Variants in FAM193A observed in about 807,000 individuals in gnomAD.
FAM193A encodes protein FAM193A.
FAM193A carries 22 observed loss-of-function variants against 126.5 expected under a neutral mutation model. The ratio of observed to expected loss-of-function variants is 0.17; its 90% CI spans 0.12 to 0.25. FAM193A has a LOEUF of 0.25. Among genes scored for constraint, FAM193A ranks in the 10% least tolerant of loss-of-function variants. FAM193A has a pLI of 1.00. For synonymous variants in FAM193A, 761 were observed against 646.8 expected (o/e 1.18, Z -2.68); for missense variants, 1,675 against 1,672.8 (o/e 1.00, Z -0.02).
chr4:2,699,666 T>C lies in FAM193A; in HGVS notation c.3508-14T>C. 6.3e-7 allele frequency: 1 copy of C among 1,577,906 alleles called. No homozygotes were observed. The highest frequency in any genetic ancestry group is 8.6e-7 in the Non-Finnish European group (1 of 1,167,340). On this transcript the variant is annotated splice_polypyrimidine_tract_variant and intron_variant, in intron 18 of 20. Transcript: ENST00000637812. ...TCACTGTAGTCTTAAATTGCCTTCT[T>C]TTTGCATTGGCAGCTGGAGGAGAAA...
At chr4:2,622,523 T>G (rs1026668095) in intron 2 of FAM193A, among the ~76,000 whole-genome samples, 4 of 152,204 alleles carry the variant, frequency 2.6e-5, no homozygotes, top group African/African-American at 9.6e-5. Flanking sequence ...GCCCAGTGGT[T>G]GCTGGCTCTT....
At chr4:2,706,426 A>G (rs1718319689) in intron 19 of FAM193A, among the ~76,000 whole-genome samples, 1 of 150,382 alleles carries the variant, frequency 6.6e-6, no homozygotes, top group Non-Finnish European at 1.5e-5. Flanking sequence ...CCTCCCAAGT[A>G]GCTGGGATTA....
At chr4:2,672,505 A>G in intron 13 of FAM193A, 133 bp downstream of exon 13, 8 of 932,754 alleles carry the variant, frequency 8.6e-6, no homozygotes, top group Admixed American at 2.7e-5. Context: ...AAGGTCTCCA[A>G]GTGTTTCCTT....
intron 20 of FAM193A, 140 bp downstream of exon 20, chr4:2,716,244 C>T (rs1436800196): frequency 3.0e-6 from 2 of 665,166 alleles, no homozygotes; most frequent in African/African-American, 3.6e-5. Flanking sequence ...TTCTGAAGAG[C>T]CTTGTAGTAG....
At chr4:2,698,734 CT>C (rs1717329207) in intron 18 of FAM193A, among the ~76,000 whole-genome samples, 2 of 152,192 alleles carry the variant, frequency 1.3e-5, no homozygotes, top group Admixed American at 6.5e-5. Context: ...CATCTGCTTT[CT>C]GAACACAAAG....
chr4:2,579,358 G>A (rs148498590), intron 1 of FAM193A, among the ~76,000 whole-genome samples: 2,272 of 151,758 alleles, frequency 0.015, 50 homozygotes, highest in African/African-American at 0.052. Flanking sequence ...AATTAGCCAG[G>A]TGTGGTGGTA....
chr4:2,702,927 T>C (rs1488115995), intron 19 of FAM193A, among the ~76,000 whole-genome samples: 1 of 152,254 alleles, frequency 6.6e-6, no homozygotes, highest in Non-Finnish European at 1.5e-5. Context: ...GATTGCGTTT[T>C]TCCATTTGTG....
In FAM193A at chr4:2,635,999, AATT is replaced by A. The variant is rs1382637501; in HGVS notation, c.1039-3735_1039-3733del. On this transcript the variant is annotated intron_variant, in intron 5 of 20. Coordinates refer to ENST00000637812, the MANE Select transcript of FAM193A (RefSeq NM_001366318.2). Reference sequence around the variant, plus strand: ...AGATAATGTAGTTGGAAAAAGGACGAATTTTTTTTTTTTTGAGACGGAGTCTTA... The same window carrying A: ...AGATAATGTAGTTGGAAAAAGGACGATTTTTTTTTTTGAGACGGAGTCTTA... Among the ~76,000 whole-genome samples the A allele has an allele frequency of 2.1e-5, 3 of 142,776 alleles. No homozygotes were observed. The East Asian group carries it at 5.8e-4, about 28-fold the overall frequency. The allele number at this position is 142,776 out of a possible 152,430, so 93.7% of individuals were successfully genotyped here.
chr4:2,589,132 G>A (rs986203839), intron 1 of FAM193A, among the ~76,000 whole-genome samples: 2 of 152,170 alleles, frequency 1.3e-5, no homozygotes, highest in African/African-American at 2.4e-5. Context: ...AAAACAAATA[G>A]TAATTATATT....
At chr4:2,726,774 A>AC (rs1720790267) in intron 20 of FAM193A, among the ~76,000 whole-genome samples, 1 of 140,540 alleles carries the variant, frequency 7.1e-6, no homozygotes, top group African/African-American at 2.7e-5. Flanking sequence ...TTTACTAAAA[A>AC]TACCAAAAAA....
Position 2,604,897 on chromosome 4 carries a change from A to G in FAM193A, c.501+8568A>G, listed in dbSNP as rs554390873. On this transcript the variant is annotated intron_variant, in intron 2 of 20. Coordinates refer to ENST00000637812, the MANE Select transcript of FAM193A (RefSeq NM_001366318.2). ...ACTGCAGCCTCGACCTCCTGGGCTC[A>G]AGTGATTCTCCCAGCTTAGCCTCCT... 6.9e-5 allele frequency among the ~76,000 whole-genome samples: 10 copies of G among 145,830 alleles called. No homozygotes were observed. In the South Asian group the frequency reaches 2.2e-3, roughly 31 times the overall value.
chr4:2,593,026 A>G (rs1050328401), intron 1 of FAM193A, among the ~76,000 whole-genome samples: 26 of 152,228 alleles, frequency 1.7e-4, no homozygotes, highest in Admixed American at 1.4e-3. Context: ...ATGCTGCCTT[A>G]CAGAGCCTAC....
At chr4:2,664,806 G>A (rs186783123) in intron 12 of FAM193A, among the ~76,000 whole-genome samples, 75 of 152,020 alleles carry the variant, frequency 4.9e-4, no homozygotes, top group Admixed American at 1.1e-3. Flanking sequence ...CTTGTGATCC[G>A]CCCGTGTTGG....
chr4:2,592,651 C>T (rs1053593536), intron 1 of FAM193A, among the ~76,000 whole-genome samples: 2 of 152,194 alleles, frequency 1.3e-5, no homozygotes, highest in African/African-American at 4.8e-5. Context: ...TGGAGAGCTA[C>T]CCAGACCGAG....
chr4:2,627,424 C>G (rs1198867838), intron 4 of FAM193A, among the ~76,000 whole-genome samples: 1 of 74,948 alleles, frequency 1.3e-5, no homozygotes, highest in Non-Finnish European at 3.7e-5. Flanking sequence ...GCTGGGATTA[C>G]AGGCGTGAGC....
intron 1 of FAM193A, among the ~76,000 whole-genome samples, chr4:2,571,608 T>G (rs2108859652): frequency 6.6e-6 from 1 of 152,118 alleles, no homozygotes; most frequent in East Asian, 2.0e-4. Flanking sequence ...TGGCATGATC[T>G]TGGCTCACTG....
chr4:2,649,080 A>G (rs919750209), intron 7 of FAM193A, among the ~76,000 whole-genome samples: 1 of 152,292 alleles, frequency 6.6e-6, no homozygotes, highest in East Asian at 1.9e-4. Flanking sequence ...GTTATTTTTA[A>G]AAAGTAAAAC....
chr4:2,732,428 C>T lies in FAM193A; in HGVS notation c.*560C>T, dbSNP rs1390499460. Reference sequence around the variant, plus strand: ...AACGAGAAAGTTAAAAACAAGCCCACCCAGTACTCACACCATCAAGTCTGT... The same window carrying T: ...AACGAGAAAGTTAAAAACAAGCCCATCCAGTACTCACACCATCAAGTCTGT... On this transcript the variant is annotated 3_prime_UTR_variant, in exon 21 of 21. Transcript: ENST00000637812. 1 of 164,704 alleles carries T rather than the reference C, an allele frequency of 6.1e-6. No homozygotes were observed. The highest frequency in any genetic ancestry group is 1.3e-5 in the Non-Finnish European group (1 of 75,356). The allele number at this position is 164,704 out of a possible 1,614,324, so 10.2% of individuals were successfully genotyped here.
chr4:2,562,701 C>T (rs1738696653), intron 1 of FAM193A, among the ~76,000 whole-genome samples: 1 of 150,952 alleles, frequency 6.6e-6, no homozygotes, highest in African/African-American at 2.4e-5. Flanking sequence ...GAGATCTTGG[C>T]TCACCGCAAC....
Sources: gnomAD v4.1 joint callset for allele counts (sites outside exome capture counted in the v4.1 genomes callset) on GRCh38, gnomAD v4.1.1 for gene constraint, MANE v1.5 for transcripts, NCBI Gene and HGNC (gene_info 2026-07-23, HGNC 2026-07-21) for gene names.